SYNE2: variants seen among roughly 807,000 people sequenced by gnomAD.
SYNE2 encodes the protein nesprin-2.
A neutral mutation model predicts 856.3 loss-of-function variants in SYNE2; 431 were observed. The observed-to-expected ratio is 0.50, with a 90% CI of 0.47 to 0.55. The LOEUF is 0.55. Among genes scored for constraint, SYNE2 ranks in the 20% least tolerant of loss-of-function variants. The pLI is 0.00. For missense variants in SYNE2, 8,129 were observed against 8,023.2 expected (o/e 1.01, Z -0.50); for synonymous variants, 2,923 against 2,872.3 (o/e 1.02, Z -0.56).
chr14:64,160,672 GCAAA>G (rs1158329206), intron 87 of SYNE2, among the ~76,000 whole-genome samples: 1 of 152,172 alleles, frequency 6.6e-6, no homozygotes, highest in Non-Finnish European at 1.5e-5. Context: ...ATATTGTGGA[GCAAA>G]CATTCTCATG....
intron 55 of SYNE2, among the ~76,000 whole-genome samples, chr14:64,079,989 G>C (rs1223498168): frequency 6.6e-6 from 1 of 152,020 alleles, no homozygotes; most frequent in Non-Finnish European, 1.5e-5. Context: ...ACCCAGCCCA[G>C]ATATTTTTCT....
chr14:63,914,780 G>T (rs1055981863), intron 2 of SYNE2, among the ~76,000 whole-genome samples: 9 of 151,994 alleles, frequency 5.9e-5, no homozygotes, highest in African/African-American at 2.2e-4. Flanking sequence ...AGTGTGTTTT[G>T]TTTTGTTTTG....
At chr14:63,846,995 A>T (rs181449873) in intron 1 of SYNE2, among the ~76,000 whole-genome samples, 16 of 150,112 alleles carry the variant, frequency 1.1e-4, no homozygotes, top group African/African-American at 2.7e-4. Context: ...ATTTAAAATT[A>T]AAAAAAAATA....
chr14:64,183,786 T>C (rs1275608602), intron 96 of SYNE2, among the ~76,000 whole-genome samples: 1 of 151,908 alleles, frequency 6.6e-6, no homozygotes, highest in African/African-American at 2.4e-5. Flanking sequence ...CGTGGTGGCG[T>C]GCGCCTGCAA....
intron 82 of SYNE2, among the ~76,000 whole-genome samples, chr14:64,143,197 T>C (rs1466624088): frequency 1.3e-5 from 2 of 152,200 alleles, no homozygotes; most frequent in African/African-American, 4.8e-5. Context: ...CTTGCAGAGA[T>C]AAAATCAGTA....
chr14:64,176,985 A>G (rs556688867), intron 95 of SYNE2, among the ~76,000 whole-genome samples: 1 of 151,948 alleles, frequency 6.6e-6, no homozygotes, highest in Non-Finnish European at 1.5e-5. Flanking sequence ...TTTAGTGGAG[A>G]CGGAGTTTCG....
intron 1 of SYNE2, among the ~76,000 whole-genome samples, chr14:63,845,826 C>T (rs1595168280): frequency 1.3e-5 from 2 of 149,450 alleles, no homozygotes; most frequent in East Asian, 4.0e-4. Context: ...CTGCAACCTT[C>T]ACCTCCCAGG....
chr14:64,119,721 T>C (rs2097883673), intron 67 of SYNE2, 112 bp downstream of exon 67: 1 of 1,092,914 alleles, frequency 9.1e-7, no homozygotes, highest in Non-Finnish European at 1.3e-6. Context: ...CTGTACTAAG[T>C]GTGAAAGAAT....
intron 45 of SYNE2, chr14:64,034,550 A>G: frequency 1.9e-6 from 1 of 531,498 alleles, no homozygotes; most frequent in Non-Finnish European, 3.5e-6. Context: ...GCATGTATAT[A>G]TTTGAATCCA....
chr14:64,156,289 G>C (rs1243063868), intron 85 of SYNE2, among the ~76,000 whole-genome samples: 1 of 152,140 alleles, frequency 6.6e-6, no homozygotes, highest in East Asian at 1.9e-4. Context: ...TGTGCAACAT[G>C]AGCCATGGCA....
At chr14:63,793,392 T>C (rs985806755) in intron 1 of SYNE2, among the ~76,000 whole-genome samples, 5 of 152,246 alleles carry the variant, frequency 3.3e-5, no homozygotes, top group Admixed American at 2.6e-4. Flanking sequence ...TTTCCAGTGA[T>C]GCCACTAAGA....
intron 6 of SYNE2, among the ~76,000 whole-genome samples, chr14:63,943,961 G>A (rs536718509): frequency 5.3e-5 from 8 of 152,066 alleles, no homozygotes; most frequent in South Asian, 4.1e-4. Context: ...GAGCCAGCAC[G>A]CCTGGCCTGT....
chr14:64,216,201 C>T (rs749107686), intron 107 of SYNE2, 47 bp from the exon 108 acceptor site: 39 of 1,612,412 alleles, frequency 2.4e-5, no homozygotes, highest in Non-Finnish European at 3.0e-5. Context: ...ACCCGTGACC[C>T]GTTCAGTAGG....
chr14:64,062,263 C>T (rs1034370674), intron 49 of SYNE2, among the ~76,000 whole-genome samples: 43 of 151,892 alleles, frequency 2.8e-4, no homozygotes, highest in Admixed American at 2.7e-3. Context: ...TAAGGGTATT[C>T]CAATGTGTGA....
intron 75 of SYNE2, 38 bp from the exon 76 acceptor site, chr14:64,130,010 A>G (rs369750385): frequency 3.2e-5 from 52 of 1,613,312 alleles, no homozygotes; most frequent in Non-Finnish European, 4.2e-5. Flanking sequence ...CCCCGGTTGG[A>G]TGAAAATGCA....
intron 1 of SYNE2, among the ~76,000 whole-genome samples, chr14:63,888,930 G>C (rs1355447691): frequency 6.6e-6 from 1 of 151,960 alleles, no homozygotes; most frequent in African/African-American, 2.4e-5. Context: ...GGCCGGGCGC[G>C]GTGGCACACG....
At chr14:64,119,310 G>T in intron 66 of SYNE2, 117 bp from the exon 67 acceptor site, 1 of 1,343,172 alleles carries the variant, frequency 7.4e-7, no homozygotes, top group South Asian at 1.3e-5. Context: ...CTTCCATCCT[G>T]TGTTTCTGGG....
Position 64,140,073 on chromosome 14 carries a change from T to G in SYNE2, c.14976T>G (p.Phe4992Leu). 6.2e-7 allele frequency: 1 copy of G among 1,613,214 alleles called. No individual in the cohort carries two copies. The highest frequency in any genetic ancestry group is 8.5e-7 in the Non-Finnish European group (1 of 1,179,812). ...DTIRSNINNF[F>L]EFSKEVDEKS... ...TCAGAAGCAACATCAACAATTTTTTTGTAAGTTGTAATAGCATATGTTCAG... is the reference window on the plus strand; with the variant it reads ...TCAGAAGCAACATCAACAATTTTTTGGTAAGTTGTAATAGCATATGTTCAG... Residue 4992 changes from phenylalanine to leucine, a missense_variant and splice_region_variant, in exon 80 of 116, where the codon TTT becomes TTG. Phe to Leu is a conservative substitution (Grantham distance 22, BLOSUM62 0). Around this residue, in one of 3 missense-constraint regions of SYNE2, gnomAD observed 5,410 missense variants for 5,284.8 expected, o/e 1.02. Coordinates refer to ENST00000555002, the MANE Select transcript of SYNE2 (RefSeq NM_182914.3).
chr14:63,924,703 G>A (rs2095638823), intron 2 of SYNE2, among the ~76,000 whole-genome samples: 1 of 151,922 alleles, frequency 6.6e-6, no homozygotes, highest in South Asian at 2.1e-4. Flanking sequence ...TGTATATTTA[G>A]CTTGTATCTT....
Sources: allele counts gnomAD v4.1 joint callset (sites outside exome capture counted in the v4.1 genomes callset), GRCh38; gene constraint gnomAD v4.1.1; regional missense constraint gnomAD v4.1.1; transcripts MANE v1.5; gene names NCBI Gene and HGNC (gene_info 2026-07-23, HGNC 2026-07-21).